The following MARCHF10 variants were observed in gnomAD, a reference collection of about 807,000 sequenced individuals.
MARCHF10 encodes probable E3 ubiquitin-protein ligase MARCHF10.
In MARCHF10, 64 loss-of-function variants were observed where a neutral mutation model predicts 76.2. The ratio of observed to expected loss-of-function variants is 0.84; its 90% CI spans 0.69 to 1.03. MARCHF10 has a LOEUF of 1.03. Among genes scored for constraint, MARCHF10 ranks in the 50% least tolerant of loss-of-function variants. The pLI is 0.00. For synonymous variants in MARCHF10, 340 were observed against 357.5 expected, an observed-to-expected ratio of 0.95 and a Z score of 0.55; for missense variants, 875 against 958.0, an observed-to-expected ratio of 0.91 and a Z score of 1.14.
chr17:62,807,658 G>A (rs1475706257), intron 1 of MARCHF10, among the ~76,000 whole-genome samples: 4 of 152,126 alleles, frequency 2.6e-5, no homozygotes, highest in African/African-American at 4.8e-5. Flanking sequence ...CTACCACCGG[G>A]AGGCTGAGGC....
chr17:62,736,599 A>T lies in MARCHF10; in HGVS notation c.1269T>A (p.Asp423Glu), dbSNP rs770654772. 2 of 1,614,210 alleles carry T rather than the reference A, an allele frequency of 1.2e-6. No homozygotes were observed. The highest frequency in any genetic ancestry group is 3.3e-5 in the Admixed American group (2 of 60,032). Reference sequence around the variant, plus strand: ...CAGGCCTATGTTCCACAGAAATACAATCACTCCATACATTTTCAGCATTGA... The same window carrying T: ...CAGGCCTATGTTCCACAGAAATACATTCACTCCATACATTTTCAGCATTGA... ...VGVNAENVWSDCISVEHRPGT... is the reference protein window; with the variant it reads ...VGVNAENVWSECISVEHRPGT... The change falls in exon 6 of 11, where the codon GAT becomes GAA. Residue 423 changes from aspartate to glutamate, a missense_variant. Physicochemically the swap from Asp to Glu is conservative, Grantham distance 45. Transcript: ENST00000311269.
intron 3 of MARCHF10, among the ~76,000 whole-genome samples, chr17:62,777,735 A>AAG (rs2092579692): frequency 6.6e-6 from 1 of 151,322 alleles, no homozygotes; most frequent in Non-Finnish European, 1.5e-5. Context: ...AAAGAAAAAA[A>AAG]AAAAGAAAAG....
rs949341049 is a variant in MARCHF10 at position 62,718,727 on chromosome 17, C to T, written c.2214+3761G>A. On this transcript the variant is annotated intron_variant, in intron 8 of 10. Transcript: ENST00000311269. ...GCTCAGCGTCCAGGAATGTGAGTCG[C>T]GCTGTTTATCGTCTCAGATCTTAGT... Among the ~76,000 whole-genome samples the T allele has an allele frequency of 7.2e-5, 11 of 152,266 alleles. 1 individual carries two copies. The highest frequency in any genetic ancestry group is 3.4e-3 in the Middle Eastern group (1 of 294).
At chr17:62,732,992 C>CAAAAAAAAAAAAA (rs398041783) in intron 6 of MARCHF10, among the ~76,000 whole-genome samples, 5 of 66,514 alleles carry the variant, frequency 7.5e-5, no homozygotes, top group East Asian at 5.2e-4. Context: ...GACTCAGTCT[C>CAAAAAAAAAAAAA]AAAAAAAAAA....
Position 62,736,187 on chromosome 17 carries a change from C to G in MARCHF10, c.1681G>C (p.Asp561His), listed in dbSNP as rs779252275. 6.2e-7 allele frequency: 1 copy of G among 1,614,184 alleles called. No homozygotes were observed. The highest frequency in any genetic ancestry group is 8.5e-7 in the Non-Finnish European group (1 of 1,180,036). ...SQPQGAPLYT[D>H]LLLNPQGNLS... ...TTGCCCTGTGGATTTAGTAAGAGAT[C>G]TGTATATAGTGGAGCCCCCTGAGGC... The change falls in exon 6 of 11, where the codon GAT becomes CAT. Residue 561 changes from aspartate to histidine, a missense_variant. Coordinates refer to ENST00000311269, the MANE Select transcript of MARCHF10 (RefSeq NM_152598.4).
At chr17:62,797,050 T>C (rs2092997547) in intron 2 of MARCHF10, among the ~76,000 whole-genome samples, 1 of 152,124 alleles carries the variant, frequency 6.6e-6, no homozygotes, top group Non-Finnish European at 1.5e-5. Context: ...CAATTTGCAA[T>C]GCAGTTTCAT....
intron 9 of MARCHF10, chr17:62,706,619 A>G (rs959219491): frequency 1.3e-5 from 2 of 152,230 alleles, no homozygotes; most frequent in African/African-American, 4.8e-5. Context: ...TCACACGTGA[A>G]TGAACCAACG....
chr17:62,791,321 T>C (rs1020558018), intron 2 of MARCHF10, among the ~76,000 whole-genome samples: 3 of 152,170 alleles, frequency 2.0e-5, no homozygotes, highest in African/African-American at 7.2e-5. Flanking sequence ...CGTCCTAACC[T>C]ACTGGTATTA....
At chr17:62,767,886 C>A (rs370681515) in intron 3 of MARCHF10, among the ~76,000 whole-genome samples, 1 of 152,214 alleles carries the variant, frequency 6.6e-6, no homozygotes, top group East Asian at 1.9e-4. Context: ...TCAGCCCCTG[C>A]ACCTACTGCC....
intron 3 of MARCHF10, among the ~76,000 whole-genome samples, chr17:62,777,274 C>T (rs566210102): frequency 6.6e-6 from 1 of 152,194 alleles, no homozygotes; most frequent in Non-Finnish European, 1.5e-5. Context: ...GGGCTGCAAG[C>T]AGCTTTCCAT....
intron 2 of MARCHF10, among the ~76,000 whole-genome samples, chr17:62,799,130 T>C (rs1258897240): frequency 2.0e-5 from 3 of 152,206 alleles, no homozygotes; most frequent in Non-Finnish European, 4.4e-5. Context: ...AGGGAGCTGA[T>C]GGACAAGTAA....
rs1435262368 is a variant in MARCHF10, at chr17:62,737,310, G to A, written c.558C>T (p.Gly186=). Reference sequence around the variant, plus strand: ...TCTTCAGCTTAGTGTTACACATCAGGCCTTCTTGTTGAACTACTTGATCTG... The same window carrying A: ...TCTTCAGCTTAGTGTTACACATCAGACCTTCTTGTTGAACTACTTGATCTG... ...RGADQVVQQE[G]LMCNTKLKRP... is the part of the protein sequence containing the mutation. Residue 186 remains glycine, a synonymous_variant, in exon 6 of 11, where the codon GGC becomes GGT. Transcript: ENST00000311269. 2 of 1,609,796 alleles carry A rather than the reference G, an allele frequency of 1.2e-6. No homozygotes were observed. The highest frequency in any genetic ancestry group is 1.3e-5 in the African/African-American group (1 of 74,552).
At chr17:62,804,031 C>G (rs1000823365) in intron 1 of MARCHF10, among the ~76,000 whole-genome samples, 1 of 152,124 alleles carries the variant, frequency 6.6e-6, no homozygotes, top group African/African-American at 2.4e-5. Flanking sequence ...GAGACTCGCT[C>G]CAGTACCCAC....
At chr17:62,771,385 G>C (rs929574086) in intron 3 of MARCHF10, among the ~76,000 whole-genome samples, 4 of 151,782 alleles carry the variant, frequency 2.6e-5, no homozygotes, top group Admixed American at 2.0e-4. Flanking sequence ...ACGTGCAAAG[G>C]TGCTCTATCA....
chr17:62,792,459 C>G (rs2092861287), intron 2 of MARCHF10, among the ~76,000 whole-genome samples: 1 of 151,806 alleles, frequency 6.6e-6, no homozygotes, highest in Admixed American at 6.6e-5. Flanking sequence ...GGGGAGTGTT[C>G]AATCAAGGGT....
chr17:62,740,507 AGAAGAT>A (rs1243768716), intron 5 of MARCHF10, among the ~76,000 whole-genome samples: 1 of 152,198 alleles, frequency 6.6e-6, no homozygotes, highest in East Asian at 1.9e-4. Flanking sequence ...AAACTATAGA[AGAAGAT>A]GAAGAATAAA....
At chr17:62,715,686 C>A (rs376978862) in intron 8 of MARCHF10, among the ~76,000 whole-genome samples, 1 of 152,208 alleles carries the variant, frequency 6.6e-6, no homozygotes, top group African/African-American at 2.4e-5. Context: ...AAGATGAAAC[C>A]GCCAGGTCCC....
chr17:62,793,639 AACC>A, intron 2 of MARCHF10, among the ~76,000 whole-genome samples: 1 of 91,610 alleles, frequency 1.1e-5, no homozygotes, highest in Middle Eastern at 9.3e-3. Flanking sequence ...CAACCCCATC[AACC>A]ACCACCATCA....
At position 62,711,946 on chromosome 17, in the gene MARCHF10, TGAG is replaced by T. The variant is rs1489652088; in HGVS notation, c.2215-605_2215-603del. Among the ~76,000 whole-genome samples, 2 of 152,198 alleles carry T rather than the reference TGAG, an allele frequency of 1.3e-5. No individual in the cohort carries two copies. Among genetic ancestry groups the T allele is most frequent in the Admixed American group, 6.5e-5 (1 of 15,276 alleles). ...ACTTGTTAACGTTTCCGCTTTCTCTTGAGGAGTGGGCTGTGCTTTTTTTCTCGC... is the reference window on the plus strand; with the variant it reads ...ACTTGTTAACGTTTCCGCTTTCTCTTGAGTGGGCTGTGCTTTTTTTCTCGC... On this transcript the variant is annotated intron_variant, in intron 8 of 10. Transcript: ENST00000311269. This position sits in a 1 kb window ranked among gnomAD's most constrained non-coding sequence, Gnocchi z 4.4.
Sources: gnomAD v4.1 joint callset for allele counts (sites outside exome capture counted in the v4.1 genomes callset) on GRCh38, gnomAD v4.1.1 for gene constraint, Gnocchi (gnomAD v3.1) non-coding constraint, MANE v1.5 for transcripts, NCBI Gene and HGNC (gene_info 2026-07-23, HGNC 2026-07-21) for gene names.